Variants in GRAMD4 observed in about 807,000 individuals in gnomAD.
GRAMD4 encodes the protein GRAM domain containing 4, also known as GRAM domain-containing protein 4.
In GRAMD4, 25 loss-of-function variants were observed where a neutral mutation model predicts 83.9. That is an observed-to-expected ratio of 0.30 (90% CI 0.22 to 0.42). The LOEUF (loss-of-function observed/expected upper bound fraction) is 0.42. GRAMD4 is among the 10% of genes least tolerant of loss of function. The pLI, the probability that GRAMD4 is intolerant of heterozygous loss-of-function variation, is 1.00. For synonymous variants in GRAMD4, 336 were observed against 320.9 expected (o/e 1.05, Z -0.50); for missense variants, 593 against 788.7 (o/e 0.75, Z 2.97).
At chr22:46,661,562 A>C (rs2082328354) in intron 5 of GRAMD4, 120 bp downstream of exon 5, 2 of 733,080 alleles carry the variant, frequency 2.7e-6, no homozygotes. Flanking sequence ...GCAGGTGGGC[A>C]GGCGGCAGGT....
chr22:46,587,457 G>C (rs933185916), intron 1 of GRAMD4, among the ~76,000 whole-genome samples: 1 of 151,802 alleles, frequency 6.6e-6, no homozygotes. Context: ...GTCCTGTTCC[G>C]GCTTCAGTGC....
intron 1 of GRAMD4, among the ~76,000 whole-genome samples, chr22:46,624,342 T>TTTTTTTTC: frequency 7.5e-6 from 1 of 132,896 alleles, no homozygotes; most frequent in Admixed American, 7.5e-5. Flanking sequence ...TTTTTTTTTT[T>TTTTTTTTC]TTTTTTTCTG....
chr22:46,681,680 A>G (rs1309095316), downstream of GRAMD4, among the ~76,000 whole-genome samples: 1 of 152,222 alleles, frequency 6.6e-6, no homozygotes, highest in Admixed American at 6.5e-5. Flanking sequence ...TGCGTCAGGG[A>G]GAGTCCAGAG....
At chr22:46,600,401 C>G (rs139616236) in intron 1 of GRAMD4, among the ~76,000 whole-genome samples, 203 of 152,302 alleles carry the variant, frequency 1.3e-3, no homozygotes, top group African/African-American at 4.8e-3. Flanking sequence ...GCTGGTCTCC[C>G]CTTCTTCTGA....
At chr22:46,587,208 TGTGCCCGCTG>T (rs1335035769) in intron 1 of GRAMD4, among the ~76,000 whole-genome samples, 1 of 152,154 alleles carries the variant, frequency 6.6e-6, no homozygotes, top group Non-Finnish European at 1.5e-5. Flanking sequence ...GTGGAGCGTG[TGTGCCCGCTG>T]GGCTGTGATG....
intron 1 of GRAMD4, 136 bp from the exon 2 acceptor site, chr22:46,626,615 A>C: frequency 2.0e-6 from 1 of 489,236 alleles, no homozygotes; most frequent in Non-Finnish European, 3.5e-6. Flanking sequence ...TGTGTGTGGG[A>C]GGGACGGTGG....
intron 14 of GRAMD4, among the ~76,000 whole-genome samples, chr22:46,673,460 T>C (rs2082544576): frequency 6.6e-6 from 1 of 152,158 alleles, no homozygotes; most frequent in African/African-American, 2.4e-5. Context: ...TCGGGGTGGC[T>C]CAGATGAGTC....
At chr22:46,594,660 A>T (rs1346097944) in intron 1 of GRAMD4, among the ~76,000 whole-genome samples, 1 of 151,948 alleles carries the variant, frequency 6.6e-6, no homozygotes, top group African/African-American at 2.4e-5. Context: ...GTCTCAGGAC[A>T]GTTGGCCCTG....
chr22:46,666,753 G>A (rs956149798), intron 9 of GRAMD4, 72 bp from the exon 10 acceptor site: 20 of 1,293,918 alleles, frequency 1.5e-5, no homozygotes, highest in Non-Finnish European at 1.7e-5. Flanking sequence ...GGCGTGCAGG[G>A]CCAGCGATTC....
intron 1 of GRAMD4, among the ~76,000 whole-genome samples, chr22:46,606,958 C>T (rs936237461): frequency 1.3e-5 from 2 of 152,164 alleles, no homozygotes; most frequent in African/African-American, 4.8e-5. Context: ...TTTTCCCTGG[C>T]CCCCTGTATG....
intron 1 of GRAMD4, among the ~76,000 whole-genome samples, chr22:46,600,641 A>G (rs2081303677): frequency 6.6e-6 from 1 of 152,126 alleles, no homozygotes; most frequent in African/African-American, 2.4e-5. Flanking sequence ...CGTCCTGTAC[A>G]CTCAGGTGCT....
rs1382180186 is a variant in GRAMD4 at position 46,578,021 on chromosome 22, G to A, written c.-50+731G>A. Among the ~76,000 whole-genome samples the A allele has an allele frequency of 3.9e-5, 6 of 152,362 alleles. 2 individuals are homozygous for A. The highest frequency in any genetic ancestry group is 3.9e-4 in the Admixed American group (6 of 15,310). On this transcript the variant is annotated intron_variant, in intron 1 of 1. Coordinates refer to the GRAMD4 transcript ENST00000431155. ...CTCAGCCGGGTGGGCTGGTGCCCCT[G>A]CCCTGTTGGCTGTGTGGCAGAAGGT...
intron 1 of GRAMD4, among the ~76,000 whole-genome samples, chr22:46,609,343 C>T (rs1295939345): frequency 2.0e-5 from 3 of 152,228 alleles, no homozygotes; most frequent in East Asian, 3.8e-4. Context: ...TGCGGGGTAG[C>T]CCTGTGTTGG....
intron 8 of GRAMD4, among the ~76,000 whole-genome samples, chr22:46,664,474 G>T (rs888557862): frequency 2.7e-5 from 2 of 72,936 alleles, no homozygotes; most frequent in Non-Finnish European, 5.6e-5. Context: ...TGGTGCTGGG[G>T]CCAGGAGTAC....
intron 1 of GRAMD4, among the ~76,000 whole-genome samples, chr22:46,623,586 T>C (rs889542014): frequency 1.3e-5 from 2 of 151,744 alleles, no homozygotes; most frequent in East Asian, 1.9e-4. Flanking sequence ...TTAGTAGAGA[T>C]GCAGTTTCAC....
At chr22:46,666,571 C>T (rs2147369211) in intron 9 of GRAMD4, among the ~76,000 whole-genome samples, 1 of 152,260 alleles carries the variant, frequency 6.6e-6, no homozygotes, top group East Asian at 1.9e-4. Context: ...CGCCCTCTCC[C>T]ACACCGCTGG....
At chr22:46,599,129 A>T (rs1303937849) in intron 1 of GRAMD4, among the ~76,000 whole-genome samples, 1 of 151,910 alleles carries the variant, frequency 6.6e-6, no homozygotes, top group African/African-American at 2.4e-5. Flanking sequence ...AGCACACAAG[A>T]AGTAGATTTT....
intron 1 of GRAMD4, among the ~76,000 whole-genome samples, chr22:46,586,729 C>G (rs2081154087): frequency 6.6e-6 from 1 of 152,254 alleles, no homozygotes; most frequent in South Asian, 2.1e-4. Context: ...TTGGGGGGAA[C>G]CCCTACCTGT....
At chr22:46,623,603 A>G (rs533385859) in intron 1 of GRAMD4, among the ~76,000 whole-genome samples, 9 of 151,916 alleles carry the variant, frequency 5.9e-5, no homozygotes, top group South Asian at 2.1e-4. Flanking sequence ...TCACCGTGTT[A>G]GCCAGGATGG....
Sources: gnomAD v4.1 joint callset for allele counts (sites outside exome capture counted in the v4.1 genomes callset) on GRCh38, gnomAD v4.1.1 for gene constraint, MANE v1.5 for transcripts, NCBI Gene and HGNC (gene_info 2026-07-23, HGNC 2026-07-21) for gene names.